G3BP1: variants seen among roughly 807,000 people sequenced by gnomAD.
The protein encoded by G3BP1 is G3BP stress granule assembly factor 1.
A neutral mutation model predicts 58.6 loss-of-function variants in G3BP1; 35 were observed. The observed-to-expected ratio is 0.60, with a 90% CI of 0.46 to 0.79. The LOEUF is 0.79. Ranked by LOEUF, G3BP1 falls within the 30% of genes least tolerant of loss-of-function variation. The pLI is 0.00. For synonymous variants in G3BP1, 191 were observed against 195.4 expected, an observed-to-expected ratio of 0.98 and a Z score of 0.19; for missense variants, 523 against 580.8, an observed-to-expected ratio of 0.90 and a Z score of 1.02.
chr5:151,790,276 CTT>C, intron 2 of G3BP1, 45 bp from the exon 3 acceptor site: 3 of 895,642 alleles, frequency 3.3e-6, no homozygotes, highest in Non-Finnish European at 5.1e-6. Flanking sequence ...GAAAAATAAA[CTT>C]AAGATACTTG....
intron 5 of G3BP1, among the ~76,000 whole-genome samples, chr5:151,794,897 T>C (rs911252765): frequency 3.9e-5 from 6 of 152,204 alleles, no homozygotes; most frequent in Non-Finnish European, 8.8e-5. Context: ...CTAATATAAT[T>C]TGGCTAATGT....
chr5:151,773,170 C>T (rs997800828), intron 1 of G3BP1, among the ~76,000 whole-genome samples: 3 of 151,514 alleles, frequency 2.0e-5, no homozygotes, highest in East Asian at 1.9e-4. Flanking sequence ...TTTTTCTCTA[C>T]TTTTTTTTTA....
intron 2 of G3BP1, among the ~76,000 whole-genome samples, chr5:151,788,678 G>T (rs113176775): frequency 3.1e-3 from 464 of 151,130 alleles, no homozygotes; most frequent in African/African-American, 0.011. Context: ...GAATGCAGTG[G>T]TGAGAGCTCA....
At position 151,797,337 on chromosome 5, in the gene G3BP1, C is replaced by T. The variant is rs765658988; in HGVS notation, c.650C>T (p.Pro217Leu). ...GAAATCCAAGAGGAAAAGCCTGAGC[C>T]AGTATTAGAAGAAACTGCCCCTGAG... ...VSEIQEEKPEPVLEETAPEDA... is the reference protein window; with the variant it reads ...VSEIQEEKPELVLEETAPEDA... Residue 217 changes from proline to leucine, a missense_variant, in exon 7 of 12, where the codon CCA becomes CTA. Pro to Leu is a moderately conservative substitution (Grantham distance 98, BLOSUM62 -3). This residue lies in a region of G3BP1 where 398 missense variants were observed against 399.1 expected (regional missense o/e 1.00). Transcript: ENST00000356245. 5.0e-6 allele frequency: 8 copies of T among 1,613,934 alleles called. No individual in the cohort carries two copies. The highest frequency in any genetic ancestry group is 3.3e-4 in the Middle Eastern group (2 of 6,084).
At chr5:151,794,344 T>TA in intron 5 of G3BP1, 95 bp downstream of exon 5, 1 of 706,006 alleles carries the variant, frequency 1.4e-6, no homozygotes, top group Admixed American at 2.3e-5. Context: ...CTGTTTTCAT[T>TA]ACACTCTGTT....
At chr5:151,791,150 A>C in intron 4 of G3BP1, 88 bp downstream of exon 4, 1 of 1,131,092 alleles carries the variant, frequency 8.8e-7, no homozygotes, top group Non-Finnish European at 1.3e-6. Context: ...AAACACTTGA[A>C]ATTTCAGACT....
intron 6 of G3BP1, among the ~76,000 whole-genome samples, chr5:151,796,910 TGA>T (rs1427323286): frequency 1.4e-5 from 2 of 143,324 alleles, no homozygotes; most frequent in Admixed American, 6.9e-5. Context: ...CAGCCTATTT[TGA>T]GAGTTTTTCT....
At chr5:151,776,479 C>T (rs180883036) in intron 1 of G3BP1, among the ~76,000 whole-genome samples, 6 of 152,014 alleles carry the variant, frequency 3.9e-5, no homozygotes, top group South Asian at 4.2e-4. Flanking sequence ...GGAGATGCTT[C>T]GAAGCCATGG....
chr5:151,802,106 T>C (rs546834742), intron 11 of G3BP1, among the ~76,000 whole-genome samples: 3 of 152,350 alleles, frequency 2.0e-5, no homozygotes, highest in African/African-American at 7.2e-5. Flanking sequence ...TGCGAGCCAA[T>C]GCACCTGGCC....
chr5:151,802,197 A>G (rs903123753), intron 11 of G3BP1, among the ~76,000 whole-genome samples: 3 of 152,188 alleles, frequency 2.0e-5, no homozygotes, highest in Non-Finnish European at 4.4e-5. Flanking sequence ...TTATTTGACC[A>G]TTTATTTTTG....
At chr5:151,792,148 T>C (rs1411231878) in intron 4 of G3BP1, 1 of 456,026 alleles carries the variant, frequency 2.2e-6, no homozygotes, top group Non-Finnish European at 4.4e-6. Context: ...ACGACAAGTT[T>C]ATGTTGAATG....
intron 1 of G3BP1, among the ~76,000 whole-genome samples, chr5:151,775,607 G>A (rs111718213): frequency 1.8e-3 from 270 of 152,372 alleles, no homozygotes; most frequent in Middle Eastern, 0.01. Context: ...CATAGGCTGT[G>A]CCTTAAGTAC....
At position 151,797,835 on chromosome 5, in the gene G3BP1, G is replaced by T. The variant is rs76688033; in HGVS notation, c.741+407G>T. On this transcript the variant is annotated intron_variant, in intron 7 of 11. Coordinates refer to ENST00000356245, the MANE Select transcript of G3BP1 (RefSeq NM_005754.3). ...ACTTTTTCTATGAAATTTTATTGAA[G>T]ATAACTTTATAGTGGAAGTAGAAAT... 9.4e-3 allele frequency among the ~76,000 whole-genome samples: 1,438 copies of T among 152,280 alleles called. 19 individuals are homozygous for T. The highest frequency in any genetic ancestry group is 0.031 in the African/African-American group (1,290 of 41,542).
At chr5:151,783,681 A>G (rs956804341) in intron 1 of G3BP1, among the ~76,000 whole-genome samples, 3 of 147,126 alleles carry the variant, frequency 2.0e-5, no homozygotes, top group African/African-American at 7.4e-5. Flanking sequence ...GCCAGCCCCA[A>G]TTTTTTTTTT....
chr5:151,781,979 G>A (rs1434493142), intron 1 of G3BP1, among the ~76,000 whole-genome samples: 1 of 151,392 alleles, frequency 6.6e-6, no homozygotes, highest in Non-Finnish European at 1.5e-5. Flanking sequence ...ACAGTTTTAT[G>A]TTAAATGCTT....
intron 4 of G3BP1, among the ~76,000 whole-genome samples, chr5:151,793,117 CT>C (rs536257095): frequency 1.2e-3 from 179 of 149,608 alleles, no homozygotes; most frequent in Middle Eastern, 0.011. Context: ...ATATGATTGC[CT>C]TTTTTTTTGA....
rs143515369 is a variant in G3BP1, at chr5:151,790,878, AT to A, written c.178-4del. ...TCAGTTGATTATTATTATTATTATT[AT>A]TTTTTTAAGGAAATCCACAGGAAAG... On this transcript the variant is annotated splice_polypyrimidine_tract_variant and intron_variant, in intron 3 of 11. Transcript: ENST00000356245. 4 of 1,448,184 alleles carry A rather than the reference AT, an allele frequency of 2.8e-6. No individual in the cohort carries two copies. The highest frequency in any genetic ancestry group is 3.8e-6 in the Non-Finnish European group (4 of 1,050,598). 89.7% of individuals were successfully genotyped at this position (1,448,184 alleles called of 1,614,324 possible). A position where few individuals can be genotyped will look rare whatever the true frequency, so the allele number is the denominator to read the frequency against.
intron 7 of G3BP1, 32 bp from the exon 8 acceptor site, chr5:151,799,180 A>G (rs746795752): frequency 5.9e-6 from 6 of 1,014,522 alleles, no homozygotes; most frequent in South Asian, 1.3e-5. Flanking sequence ...GATACCTGGT[A>G]TAATTATGTA....
At chr5:151,796,034 C>CAAA (rs1762743487) in intron 6 of G3BP1, among the ~76,000 whole-genome samples, 1 of 152,068 alleles carries the variant, frequency 6.6e-6, no homozygotes, top group Non-Finnish European at 1.5e-5. Context: ...TGGGTTTTTT[C>CAAA]CCCCTTGTGA....
Sources: allele counts gnomAD v4.1 joint callset (sites outside exome capture counted in the v4.1 genomes callset), GRCh38; gene constraint gnomAD v4.1.1; regional missense constraint gnomAD v4.1.1; transcripts MANE v1.5; gene names NCBI Gene and HGNC (gene_info 2026-07-23, HGNC 2026-07-21).